Variants in STIM2 observed in about 807,000 individuals in gnomAD.
STIM2 encodes the protein stromal interaction molecule 2.
In STIM2, 31 loss-of-function variants were observed where a neutral mutation model predicts 85.8. The observed-to-expected ratio is 0.36, with a 90% CI of 0.27 to 0.49. The LOEUF is 0.49. Among genes scored for constraint, STIM2 ranks in the 20% least tolerant of loss-of-function variants. The pLI is 0.98. For missense variants in STIM2, 841 were observed against 927.6 expected (o/e 0.91, Z 1.21); for synonymous variants, 356 against 331.1 (o/e 1.08, Z -0.82).
At chr4:27,018,897 A>G (rs1388961689) in intron 11 of STIM2, among the ~76,000 whole-genome samples, 1 of 152,266 alleles carries the variant, frequency 6.6e-6, no homozygotes, top group Admixed American at 6.5e-5. Context: ...GGTACTTGCT[A>G]ACACATAAGC....
In STIM2 at chr4:27,023,336, C is replaced by G. The variant is rs183258988; in HGVS notation, c.*340C>G. 46 of 225,702 alleles carry G rather than the reference C, an allele frequency of 2.0e-4. No homozygotes were observed. The East Asian group carries it at 4.1e-3, about 20-fold the overall frequency. 14.0% of individuals were successfully genotyped at this position (225,702 alleles called of 1,614,324 possible). A position where few individuals can be genotyped will look rare whatever the true frequency, so the allele number is the denominator to read the frequency against. On this transcript the variant is annotated 3_prime_UTR_variant, in exon 12 of 12. Coordinates refer to ENST00000467087, the MANE Select transcript of STIM2 (RefSeq NM_020860.4). ...ATGGACTTACAAGCTTTAATGGACT[C>G]GTAAGCCAGCATGGGCTTGCAAAAA... is the stretch of plus-strand genomic sequence containing the variant.
At chr4:26,984,420 G>T (rs965461881) in intron 3 of STIM2, among the ~76,000 whole-genome samples, 2 of 152,204 alleles carry the variant, frequency 1.3e-5, no homozygotes, top group Admixed American at 6.5e-5. Flanking sequence ...GAATGCAGTA[G>T]CGTGATCTCG....
At chr4:26,938,625 A>G (rs1418671096) in intron 2 of STIM2, among the ~76,000 whole-genome samples, 2 of 152,178 alleles carry the variant, frequency 1.3e-5, no homozygotes, top group South Asian at 2.1e-4. Context: ...TGCTCTAGAA[A>G]GCTGTTTGGA....
At chr4:26,942,933 T>C (rs1370278202) in intron 2 of STIM2, among the ~76,000 whole-genome samples, 1 of 152,144 alleles carries the variant, frequency 6.6e-6, no homozygotes, top group African/African-American at 2.4e-5. Flanking sequence ...CTTAGATATC[T>C]ATTAGTCATC....
chr4:26,995,498 T>G lies in STIM2; in HGVS notation c.509+8T>G. ...AGGAACGACACTTCCCAGGTGAGTC[T>G]TTGTTATGCAAATGTATTTTCCACT... On this transcript the variant is annotated splice_region_variant and intron_variant, in intron 4 of 11. Coordinates refer to ENST00000467087, the MANE Select transcript of STIM2 (RefSeq NM_020860.4). The G allele has an allele frequency of 1.3e-6, 2 of 1,549,516 alleles. No individual in the cohort carries two copies. The highest frequency in any genetic ancestry group is 1.8e-6 in the Non-Finnish European group (2 of 1,136,636).
At chr4:26,960,107 A>T (rs1170790880) in intron 3 of STIM2, among the ~76,000 whole-genome samples, 2 of 152,200 alleles carry the variant, frequency 1.3e-5, no homozygotes, top group African/African-American at 2.4e-5. Context: ...TAAAACATTC[A>T]GGCTCCAGGA....
At chr4:27,009,038 G>A in intron 10 of STIM2, 36 bp downstream of exon 10, 1 of 1,575,288 alleles carries the variant, frequency 6.3e-7, no homozygotes, top group Non-Finnish European at 8.7e-7. Context: ...GTTGGTACAG[G>A]TTTTAAAGTA....
chr4:26,940,168 G>A (rs1725555480), intron 2 of STIM2, among the ~76,000 whole-genome samples: 1 of 152,146 alleles, frequency 6.6e-6, no homozygotes, highest in African/African-American at 2.4e-5. Flanking sequence ...CATGCGGTCT[G>A]ACTGGAGTCT....
rs1054748952 is a variant in STIM2, at chr4:26,999,870, A to G, written c.625+523A>G. ...AAAATGTTATTTGATTGTTTTGAAG[A>G]GAAACATTTGAGAAAGTGTTATGCA... On this transcript the variant is annotated intron_variant, in intron 5 of 11. Coordinates refer to ENST00000467087, the MANE Select transcript of STIM2 (RefSeq NM_020860.4). Among the ~76,000 whole-genome samples, 6 of 152,236 alleles carry G rather than the reference A, an allele frequency of 3.9e-5. 1 individual carries two copies. The South Asian group carries it at 1.2e-3, about 31-fold the overall frequency.
At chr4:26,989,157 A>G (rs926738567) in intron 3 of STIM2, among the ~76,000 whole-genome samples, 1 of 152,026 alleles carries the variant, frequency 6.6e-6, no homozygotes, top group African/African-American at 2.4e-5. Context: ...CTGGTCTCGA[A>G]CTCCTGTCCT....
chr4:26,940,166 C>T (rs550663311), intron 2 of STIM2, among the ~76,000 whole-genome samples: 351 of 152,294 alleles, frequency 2.3e-3, no homozygotes, highest in Non-Finnish European at 3.2e-3. Context: ...ATCATGCGGT[C>T]TGACTGGAGT....
At chr4:26,933,943 C>T (rs1051733125) in intron 2 of STIM2, among the ~76,000 whole-genome samples, 5 of 152,140 alleles carry the variant, frequency 3.3e-5, no homozygotes, top group African/African-American at 7.2e-5. Context: ...CCTGTAATCC[C>T]AGCACTTTGG....
At chr4:26,953,149 C>T (rs780395346) in intron 2 of STIM2, among the ~76,000 whole-genome samples, 45 of 151,994 alleles carry the variant, frequency 3.0e-4, no homozygotes, top group Non-Finnish European at 5.6e-4. Flanking sequence ...GGTGGTTTTC[C>T]GCTCCATCCC....
At chr4:26,954,298 CT>C (rs2109091065) in intron 2 of STIM2, among the ~76,000 whole-genome samples, 2 of 152,242 alleles carry the variant, frequency 1.3e-5, no homozygotes, top group African/African-American at 4.8e-5. Context: ...CTGAGCGAAT[CT>C]TTTAAAAAGA....
At chr4:27,007,780 A>G in intron 8 of STIM2, 80 bp downstream of exon 8, 6 of 1,382,514 alleles carry the variant, frequency 4.3e-6, no homozygotes, top group Non-Finnish European at 5.8e-6. Flanking sequence ...TGGGATACAC[A>G]GATCTGAATA....
chr4:26,984,837 G>A (rs920391282), intron 3 of STIM2, among the ~76,000 whole-genome samples: 1 of 152,050 alleles, frequency 6.6e-6, no homozygotes, highest in African/African-American at 2.4e-5. Context: ...AAACACCTTG[G>A]TAATTTTTAA....
chr4:26,908,955 T>G (rs1464011540), intron 1 of STIM2, among the ~76,000 whole-genome samples: 1 of 152,248 alleles, frequency 6.6e-6, no homozygotes, highest in Non-Finnish European at 1.5e-5. Flanking sequence ...GGCTCATGCC[T>G]GTAATCCCAG....
In STIM2 at chr4:27,025,311, T is replaced by C. The variant is rs1374323966; in HGVS notation, c.*2315T>C. On this transcript the variant is annotated 3_prime_UTR_variant, in exon 12 of 12. Coordinates refer to ENST00000467087, the MANE Select transcript of STIM2 (RefSeq NM_020860.4). ...ACATTTCTGTAAGTTTTTAAAATTA[T>C]CCATTTGTTACTTTAACATTTTAAA... The C allele has an allele frequency of 6.6e-6, 1 of 151,812 alleles. No individual in the cohort carries two copies. The highest frequency in any genetic ancestry group is 1.5e-5 in the Non-Finnish European group (1 of 67,978). The allele number at this position is 151,812 out of a possible 1,614,324, so 9.4% of individuals were successfully genotyped here.
chr4:26,904,966 T>G (rs1724069399), intron 1 of STIM2, among the ~76,000 whole-genome samples: 1 of 152,104 alleles, frequency 6.6e-6, no homozygotes. Context: ...AGATACAGTT[T>G]GAAAGTGTAG....
Sources: gnomAD v4.1 joint callset for allele counts (sites outside exome capture counted in the v4.1 genomes callset) on GRCh38, gnomAD v4.1.1 for gene constraint, MANE v1.5 for transcripts, NCBI Gene and HGNC (gene_info 2026-07-23, HGNC 2026-07-21) for gene names.